The following POTEJ variants were observed in gnomAD, a reference collection of about 807,000 sequenced individuals.
POTEJ encodes POTE ankyrin domain family member J.
POTEJ carries 11 observed loss-of-function variants against 69.0 expected under a neutral mutation model. The observed-to-expected ratio is 0.16, with a 90% confidence interval of 0.10 to 0.26. The LOEUF is 0.26. Ranked by LOEUF, POTEJ falls within the 10% of genes least tolerant of loss-of-function variation. POTEJ has a pLI of 1.00. For synonymous variants in POTEJ, 117 were observed against 381.1 expected (o/e 0.31, Z 8.07); for missense variants, 327 against 1,045.5 (o/e 0.31, Z 9.48).
intron 9 of POTEJ, among the ~76,000 whole-genome samples, chr2:130,637,662 G>C (rs868148152): frequency 6.7e-6 from 1 of 150,092 alleles, no homozygotes; most frequent in Non-Finnish European, 1.5e-5. Context: ...GTGGGGTGTT[G>C]TGTACAAAAT....
chr2:130,652,070 G>C lies in POTEJ; in HGVS notation c.1668-2851G>C, dbSNP rs998562366. On this transcript the variant is annotated intron_variant, in intron 13 of 14. Coordinates refer to ENST00000409602, the MANE Select transcript of POTEJ (RefSeq NM_001277083.2). ...GGAAAGACCAGCTGGGAGGTGATTG[G>C]CTCATGGGGTCGGTTTCCTCCATGC... 1.7e-4 allele frequency among the ~76,000 whole-genome samples: 23 copies of C among 138,438 alleles called. 1 individual carries two copies. The highest frequency in any genetic ancestry group is 4.6e-5 in the Non-Finnish European group (3 of 65,436). 90.8% of individuals were successfully genotyped at this position (138,438 alleles called of 152,430 possible).
intron 13 of POTEJ, among the ~76,000 whole-genome samples, chr2:130,648,781 GTT>G (rs761289482): frequency 4.3e-4 from 35 of 81,844 alleles, no homozygotes; most frequent in African/African-American, 1.5e-3. Flanking sequence ...CTTTCTCATA[GTT>G]TTTTTTTTTT....
chr2:130,631,176 A>G (rs200354997), intron 7 of POTEJ, among the ~76,000 whole-genome samples: 22,704 of 90,724 alleles, frequency 0.25, 1,199 homozygotes, highest in Middle Eastern at 0.29. Flanking sequence ...TATTTTTCAC[A>G]TGTTAGTCAG....
intron 13 of POTEJ, among the ~76,000 whole-genome samples, chr2:130,647,157 G>T (rs1686610624): frequency 6.6e-6 from 1 of 150,852 alleles, no homozygotes; most frequent in African/African-American, 2.5e-5. Context: ...AATGAGGTTA[G>T]ATGTAGGGTA....
chr2:130,656,832 G>A lies in POTEJ; in HGVS notation c.2072G>A (p.Arg691Gln), dbSNP rs576615864. The A allele has an allele frequency of 1.6e-5, 26 of 1,601,372 alleles. No individual in the cohort carries two copies. Among genetic ancestry groups the A allele is most frequent in the South Asian group, 5.5e-5 (5 of 90,834 alleles). Reference protein sequence around the residue: ...KAGFAGDDAPRAVFPSIVGCP... With the variant: ...KAGFAGDDAPQAVFPSIVGCP... ...GGCTTTGCGGGCGACGATGCCCCCCGGGCTGTCTTCCCTTCCATCGTGGGG... is the reference window on the plus strand; with the variant it reads ...GGCTTTGCGGGCGACGATGCCCCCCAGGCTGTCTTCCCTTCCATCGTGGGG... The change falls in exon 15 of 15, where the codon CGG becomes CAG. Residue 691 changes from arginine (R) to glutamine (Q), a missense_variant. Arg to Gln is a conservative substitution (Grantham distance 43, BLOSUM62 1). Transcript: ENST00000409602.
At chr2:130,648,474 C>T (rs1208562643) in intron 13 of POTEJ, among the ~76,000 whole-genome samples, 1 of 139,312 alleles carries the variant, frequency 7.2e-6, no homozygotes, top group East Asian at 1.9e-4. Context: ...ATCTCAATGC[C>T]GGTAAGTCTT....
At chr2:130,650,533 C>G (rs1686771577) in intron 13 of POTEJ, among the ~76,000 whole-genome samples, 1 of 150,760 alleles carries the variant, frequency 6.6e-6, no homozygotes, top group Non-Finnish European at 1.5e-5. Context: ...TGGAGTTTAT[C>G]CCAGGTATAT....
chr2:130,640,189 G>A (rs1686297474), intron 10 of POTEJ, among the ~76,000 whole-genome samples: 1 of 144,790 alleles, frequency 6.9e-6, no homozygotes, highest in Non-Finnish European at 1.5e-5. Context: ...GTGTTTGCCA[G>A]AAGGAACATC....
chr2:130,650,632 C>T (rs1332178054), intron 13 of POTEJ, among the ~76,000 whole-genome samples: 104 of 138,678 alleles, frequency 7.5e-4, no homozygotes, highest in African/African-American at 1.9e-3. Context: ...AAAATTCTTT[C>T]GGCTTTTTAT....
At chr2:130,637,297 A>C (rs1686130590) in intron 9 of POTEJ, among the ~76,000 whole-genome samples, 1 of 149,444 alleles carries the variant, frequency 6.7e-6, no homozygotes, top group Non-Finnish European at 1.5e-5. Flanking sequence ...GAGGAATTGC[A>C]AACTTTACTA....
At chr2:130,634,993 G>A (rs867772055) in intron 9 of POTEJ, among the ~76,000 whole-genome samples, 14,652 of 139,952 alleles carry the variant, frequency 0.1, 3 homozygotes, top group African/African-American at 0.14. Flanking sequence ...AGTGGAGGGC[G>A]TCTCCTCCCT....
At chr2:130,626,837 T>G (rs1160391284) in intron 6 of POTEJ, among the ~76,000 whole-genome samples, 1 of 152,198 alleles carries the variant, frequency 6.6e-6, no homozygotes, top group Non-Finnish European at 1.5e-5. Flanking sequence ...TTTGTTTTTT[T>G]GGTGTTATGC....
chr2:130,612,711 C>A (rs1292540690), intron 1 of POTEJ, among the ~76,000 whole-genome samples: 4 of 110,748 alleles, frequency 3.6e-5, no homozygotes, highest in South Asian at 2.8e-4. Flanking sequence ...TGCAGTGAGC[C>A]AAGATAGTGC....
chr2:130,639,164 G>C (rs1320181852), intron 10 of POTEJ, among the ~76,000 whole-genome samples: 2 of 152,422 alleles, frequency 1.3e-5, no homozygotes, highest in South Asian at 2.1e-4. Context: ...TGGCTTGCCT[G>C]CTGCGCACCT....
chr2:130,650,034 A>G (rs1686748976), intron 13 of POTEJ, among the ~76,000 whole-genome samples: 1 of 152,270 alleles, frequency 6.6e-6, no homozygotes, highest in Admixed American at 6.5e-5. Flanking sequence ...ATGAGGACTA[A>G]CAGAAAGGAA....
chr2:130,631,992 G>A (rs1172767796), intron 8 of POTEJ, among the ~76,000 whole-genome samples: 1 of 143,794 alleles, frequency 7.0e-6, no homozygotes, highest in Admixed American at 6.9e-5. Context: ...CTCAAAGGCA[G>A]TGGGGGAGAA....
Position 130,613,382 on chromosome 2 carries a change from GTGTATA to G in POTEJ, c.410+1442_410+1447del, listed in dbSNP as rs1484559986. Among the ~76,000 whole-genome samples the G allele has an allele frequency of 4.1e-4, 35 of 85,496 alleles. 1 individual carries two copies. Among genetic ancestry groups the G allele is most frequent in the African/African-American group, 1.1e-3 (27 of 25,406 alleles). The allele number at this position is 85,496 out of a possible 152,430, so 56.1% of individuals were successfully genotyped here. A position where few individuals can be genotyped will look rare whatever the true frequency, so the allele number is the denominator to read the frequency against. On this transcript the variant is annotated intron_variant, in intron 1 of 14. Coordinates refer to ENST00000409602, the MANE Select transcript of POTEJ (RefSeq NM_001277083.2). ...TATATACATATATATGTGTGTGTGTGTGTATATATATATATATATATATATATACTT... is the reference window on the plus strand; with the variant it reads ...TATATACATATATATGTGTGTGTGTGTATATATATATATATATATATACTT...
chr2:130,613,112 G>A (rs1202868071), intron 1 of POTEJ, among the ~76,000 whole-genome samples: 1 of 139,796 alleles, frequency 7.2e-6, no homozygotes, highest in African/African-American at 2.7e-5. Context: ...TTCATTTTTG[G>A]AGAAAACTAG....
rs759738203 is a variant in POTEJ at position 130,657,489 on chromosome 2, T to C, written c.2729T>C (p.Val910Ala). ...AGCTACGAGCTGCCCGATGGCCAGG[T>C]CATCACCATCAGCAACGAGTGGTTC... ...EKSYELPDGQVITISNEWFRC... is the reference protein window; with the variant it reads ...EKSYELPDGQAITISNEWFRC... Residue 910 changes from valine (V) to alanine (A), a missense_variant, in exon 15 of 15, where the codon GTC (valine) becomes GCC (alanine). By Grantham distance (64) the Val-to-Ala change is moderately conservative (BLOSUM62 0). Transcript: ENST00000409602. 52 of 1,570,946 alleles carry C rather than the reference T, an allele frequency of 3.3e-5. 9 individuals carry two copies. The highest frequency in any genetic ancestry group is 4.3e-5 in the Non-Finnish European group (49 of 1,149,852).
Sources: gnomAD v4.1 joint callset for allele counts (sites outside exome capture counted in the v4.1 genomes callset) on GRCh38, gnomAD v4.1.1 for gene constraint, MANE v1.5 for transcripts, NCBI Gene and HGNC (gene_info 2026-07-23, HGNC 2026-07-21) for gene names.